PREX1: variants seen among roughly 807,000 people sequenced by gnomAD.
PREX1 encodes the protein phosphatidylinositol-3,4,5-trisphosphate dependent Rac exchange factor 1, also known as phosphatidylinositol 3,4,5-trisphosphate-dependent Rac exchanger 1 protein.
In PREX1, 41 loss-of-function variants were observed where a neutral mutation model predicts 198.3. The ratio of observed to expected loss-of-function variants is 0.21; its 90% CI spans 0.16 to 0.27. The LOEUF (loss-of-function observed/expected upper bound fraction) is 0.27, where lower values mean the gene tolerates loss of function less well. Among genes scored for constraint, PREX1 ranks in the 10% least tolerant of loss-of-function variants. The pLI, the probability that PREX1 is intolerant of heterozygous loss-of-function variation, is 1.00. For synonymous variants in PREX1, 843 were observed against 887.2 expected (o/e 0.95, Z 0.89); for missense variants, 1,620 against 2,200.7 (o/e 0.74, Z 5.28).
intron 1 of PREX1, among the ~76,000 whole-genome samples, chr20:48,825,040 T>C (rs1344583044): frequency 6.6e-6 from 1 of 151,580 alleles, no homozygotes; most frequent in Non-Finnish European, 1.5e-5. Context: ...GAAGAGAGAG[T>C]GGGAAGACAG....
chr20:48,775,384 C>T (rs925110165), intron 1 of PREX1, among the ~76,000 whole-genome samples: 2 of 151,988 alleles, frequency 1.3e-5, no homozygotes, highest in Admixed American at 6.6e-5. Context: ...GATAAGAACA[C>T]GTCCAGCTGA....
chr20:48,833,657 G>A, the PREX1 span, among the ~76,000 whole-genome samples: 9 of 151,984 alleles, frequency 5.9e-5, no homozygotes, highest in African/African-American at 2.2e-4. Flanking sequence ...GGCCAGGCTG[G>A]TCTCAAACTC....
At chr20:48,688,118 C>T (rs923387620) in intron 10 of PREX1, among the ~76,000 whole-genome samples, 1 of 151,972 alleles carries the variant, frequency 6.6e-6, no homozygotes, top group Non-Finnish European at 1.5e-5. Flanking sequence ...GGGTGGGGGG[C>T]CTACCTTTAT....
At chr20:48,791,472 A>C (rs190256187) in intron 1 of PREX1, among the ~76,000 whole-genome samples, 1 of 152,202 alleles carries the variant, frequency 6.6e-6, no homozygotes. Context: ...GGTAAAGTCA[A>C]GGACTACAGA....
intron 23 of PREX1, 71 bp from the exon 24 acceptor site, chr20:48,650,277 C>T (rs2089483981): frequency 2.0e-5 from 29 of 1,435,294 alleles, no homozygotes; most frequent in Non-Finnish European, 2.5e-5. Flanking sequence ...ATACCCAGTA[C>T]CCACTTTATC....
the PREX1 span, among the ~76,000 whole-genome samples, chr20:48,853,272 T>C: frequency 2.0e-5 from 3 of 152,212 alleles, no homozygotes; most frequent in Non-Finnish European, 4.4e-5. Flanking sequence ...ATTAGTCTAT[T>C]CTCATGCTGC....
At chr20:48,864,117 A>T in the PREX1 span, among the ~76,000 whole-genome samples, 1 of 152,260 alleles carries the variant, frequency 6.6e-6, no homozygotes, top group African/African-American at 2.4e-5. Context: ...AAGCAATGAC[A>T]CATGATCACT....
chr20:48,780,287 C>A (rs149507113), intron 1 of PREX1, among the ~76,000 whole-genome samples: 7 of 152,142 alleles, frequency 4.6e-5, no homozygotes, highest in African/African-American at 1.7e-4. Flanking sequence ...CAAGATGAGC[C>A]AGAATATCTT....
At chr20:48,676,322 G>T in intron 13 of PREX1, 54 bp from the exon 14 acceptor site, 1 of 1,555,056 alleles carries the variant, frequency 6.4e-7, no homozygotes, top group Non-Finnish European at 8.9e-7. Context: ...GGACAGAGGT[G>T]GGGGTGGTCC....
In PREX1 at chr20:48,726,302, C is replaced by T. The variant is rs1453828211; in HGVS notation, c.609G>A (p.Pro203=). ...GGGAAAGTCTCACCTTAAGGAGGAG[C>T]GGGTACTTGCAGATCCTCTGGATCG... The part of the protein sequence containing the change: ...LSPIQRICKY[P]LLLKELAKRT... The change falls in exon 5 of 40, where the codon CCG becomes CCA. Residue 203 remains proline, a synonymous_variant. Transcript: ENST00000371941. 3.1e-6 allele frequency: 5 copies of T among 1,613,334 alleles called. No individual in the cohort carries two copies. The highest frequency in any genetic ancestry group is 3.3e-5 in the Admixed American group (2 of 59,968).
At chr20:48,737,247 C>T (rs139024562) in intron 3 of PREX1, among the ~76,000 whole-genome samples, 187 of 103,838 alleles carry the variant, frequency 1.8e-3, no homozygotes, top group African/African-American at 7.6e-3. Flanking sequence ...AAAAAAAAGA[C>T]AGGCAGAGTC....
intron 4 of PREX1, among the ~76,000 whole-genome samples, chr20:48,727,769 C>A (rs1289405987): frequency 6.6e-6 from 1 of 152,132 alleles, no homozygotes; most frequent in African/African-American, 2.4e-5. Context: ...GCCATCCCTG[C>A]CACCCAACCT....
rs376433726 is a variant in PREX1, at chr20:48,651,426, C to T, written c.2625G>A (p.Glu875=). Residue 875 remains glutamate, a synonymous_variant, in exon 22 of 40, where the codon GAG becomes GAA. Transcript: ENST00000371941. ...CGGTGAGGCCGAAGCAGCCGCGGGG[C>T]TCCACGATCTTCTCCAGCACATGGC... is the stretch of plus-strand genomic sequence containing the variant. The part of the protein sequence containing the change: ...VRCHVLEKIV[E]PRGCFGLTAK... The T allele has an allele frequency of 3.2e-5, 52 of 1,611,532 alleles. No homozygotes were observed. Among genetic ancestry groups the T allele is most frequent in the Non-Finnish European group, 4.3e-5 (51 of 1,178,332 alleles).
intron 5 of PREX1, among the ~76,000 whole-genome samples, chr20:48,708,814 G>A (rs559390260): frequency 6.6e-6 from 1 of 152,326 alleles, no homozygotes; most frequent in East Asian, 1.9e-4. Flanking sequence ...GGTATGTAAT[G>A]AGGAACAGAA....
At chr20:48,766,470 T>C (rs749679198) in intron 1 of PREX1, among the ~76,000 whole-genome samples, 1 of 152,232 alleles carries the variant, frequency 6.6e-6, no homozygotes, top group Non-Finnish European at 1.5e-5. Flanking sequence ...CAAGCTGTGC[T>C]GCAGCCAGAC....
the PREX1 span, among the ~76,000 whole-genome samples, chr20:48,850,091 T>C: frequency 6.6e-6 from 1 of 152,362 alleles, no homozygotes; most frequent in Non-Finnish European, 1.5e-5. Context: ...AGAGCAGCAA[T>C]GAGCACTTGT....
chr20:48,746,407 AAGTAAACTGTGTTGCATTCCT>A (rs1261746218), intron 2 of PREX1, among the ~76,000 whole-genome samples: 5 of 152,252 alleles, frequency 3.3e-5, no homozygotes, highest in Admixed American at 6.5e-5. Context: ...GAGAATGGGT[AAGTAAACTGTGTTGCATTCCT>A]ACAATGGAAC....
the PREX1 span, among the ~76,000 whole-genome samples, chr20:48,849,962 C>T: frequency 5.3e-5 from 8 of 152,312 alleles, 1 homozygote; most frequent in Middle Eastern, 3.4e-3. Context: ...ATGACCACCA[C>T]TGTCATGCTG....
chr20:48,759,123 G>T (rs569699525), intron 1 of PREX1, among the ~76,000 whole-genome samples: 23 of 152,184 alleles, frequency 1.5e-4, no homozygotes, highest in Admixed American at 1.4e-3. Context: ...TAGCCACCTG[G>T]TTCAAATCCT....
Sources: allele counts gnomAD v4.1 joint callset (sites outside exome capture counted in the v4.1 genomes callset), GRCh38; gene constraint gnomAD v4.1.1; transcripts MANE v1.5; gene names NCBI Gene and HGNC (gene_info 2026-07-23, HGNC 2026-07-21).